The following ADAM29 variants were observed in gnomAD, a reference collection of about 807,000 sequenced individuals.
ADAM29 encodes the protein ADAM metallopeptidase domain 29, also known as disintegrin and metalloproteinase domain-containing protein 29.
For synonymous variants in ADAM29, 367 were observed against 342.3 expected (o/e 1.07, Z -0.80); for missense variants, 969 against 1,001.8 (o/e 0.97, Z 0.44).
intron 4 of ADAM29, among the ~76,000 whole-genome samples, chr4:174,960,579 A>G (rs574883209): frequency 6.6e-6 from 1 of 152,226 alleles, no homozygotes; most frequent in South Asian, 2.1e-4. Flanking sequence ...ACCTAAGAAT[A>G]TTTACATCTT....
chr4:174,927,109 C>T (rs1453241944), intron 2 of ADAM29, among the ~76,000 whole-genome samples: 1 of 152,074 alleles, frequency 6.6e-6, no homozygotes, highest in Admixed American at 6.6e-5. Context: ...ACTCAAAATA[C>T]CAAGTGCTAG....
At chr4:174,935,639 A>G (rs773497800) in intron 3 of ADAM29, among the ~76,000 whole-genome samples, 1 of 152,124 alleles carries the variant, frequency 6.6e-6, no homozygotes, top group Non-Finnish European at 1.5e-5. Context: ...AATCTGGTTG[A>G]CTTAATCTAT....
chr4:174,928,748 TCTG>T (rs1743673449), intron 2 of ADAM29, among the ~76,000 whole-genome samples: 1 of 152,036 alleles, frequency 6.6e-6, no homozygotes, highest in Non-Finnish European at 1.5e-5. Context: ...GATTCGGCCA[TCTG>T]TGTTTGCTAA....
intron 4 of ADAM29, among the ~76,000 whole-genome samples, chr4:174,973,162 A>G (rs958775119): frequency 6.6e-6 from 1 of 152,162 alleles, no homozygotes; most frequent in African/African-American, 2.4e-5. Flanking sequence ...CACCAGATGA[A>G]ACCACCATCT....
At chr4:174,920,451 G>C (rs1363281741) in intron 1 of ADAM29, among the ~76,000 whole-genome samples, 1 of 152,072 alleles carries the variant, frequency 6.6e-6, no homozygotes, top group East Asian at 1.9e-4. Context: ...GAAGCTCATG[G>C]CCCCCTAACC....
intron 4 of ADAM29, among the ~76,000 whole-genome samples, chr4:174,969,469 A>G (rs1746345416): frequency 6.6e-6 from 1 of 151,924 alleles, no homozygotes; most frequent in Non-Finnish European, 1.5e-5. Context: ...TTTGAAAAAA[A>G]TTTTTAGAGG....
At chr4:174,946,214 A>G (rs1345190413) in intron 4 of ADAM29, among the ~76,000 whole-genome samples, 2 of 152,148 alleles carry the variant, frequency 1.3e-5, no homozygotes. Context: ...TACCTCCCTC[A>G]TTAGCTGTAT....
intron 4 of ADAM29, among the ~76,000 whole-genome samples, chr4:174,953,784 G>A (rs1302858078): frequency 6.6e-6 from 1 of 152,056 alleles, no homozygotes; most frequent in Non-Finnish European, 1.5e-5. Flanking sequence ...CATCTCGGCT[G>A]ACTGCAACCT....
chr4:174,960,056 CTT>C (rs1324923304), intron 4 of ADAM29, among the ~76,000 whole-genome samples: 4 of 151,950 alleles, frequency 2.6e-5, no homozygotes, highest in African/African-American at 7.2e-5. Flanking sequence ...TAAAAATAAA[CTT>C]ATCATTTCAC....
At chr4:174,919,397 CAG>C (rs1412516965) in intron 1 of ADAM29, among the ~76,000 whole-genome samples, 1 of 152,120 alleles carries the variant, frequency 6.6e-6, no homozygotes, top group Admixed American at 6.6e-5. Context: ...TAAATTAGCA[CAG>C]AGTTAGGCGC....
At chr4:174,945,071 G>T (rs1687254169) in intron 4 of ADAM29, among the ~76,000 whole-genome samples, 3 of 151,860 alleles carry the variant, frequency 2.0e-5, no homozygotes, top group Admixed American at 1.3e-4. Context: ...TGGTAGTTTT[G>T]CAAAACTGCT....
chr4:174,936,048 A>T (rs560451759), intron 3 of ADAM29, among the ~76,000 whole-genome samples: 2 of 152,186 alleles, frequency 1.3e-5, no homozygotes, highest in South Asian at 2.1e-4. Context: ...CTGGGACAAC[A>T]GTTACAAATC....
intron 4 of ADAM29, 120 bp downstream of exon 4, chr4:174,937,133 T>C (rs1744249049): frequency 2.0e-5 from 3 of 152,070 alleles, no homozygotes; most frequent in Admixed American, 1.3e-4. Flanking sequence ...TGTTGCATTA[T>C]GTAGAGAACC....
intron 4 of ADAM29, among the ~76,000 whole-genome samples, chr4:174,962,946 G>A (rs1745927052): frequency 6.6e-6 from 1 of 152,088 alleles, no homozygotes; most frequent in Non-Finnish European, 1.5e-5. Flanking sequence ...ATGCAAAAAT[G>A]AAGCTGTTAC....
intron 4 of ADAM29, among the ~76,000 whole-genome samples, chr4:174,940,846 AT>A (rs1255663525): frequency 6.6e-6 from 1 of 152,210 alleles, no homozygotes; most frequent in Non-Finnish European, 1.5e-5. Flanking sequence ...TATGAAAATG[AT>A]TATGCATTCA....
intron 4 of ADAM29, among the ~76,000 whole-genome samples, chr4:174,970,872 T>C (rs1746437386): frequency 1.3e-5 from 2 of 152,120 alleles, no homozygotes; most frequent in South Asian, 4.1e-4. Flanking sequence ...TTTTTCTTTA[T>C]CTAGCTAACA....
chr4:174,977,600 G>A lies in ADAM29; in HGVS notation c.2075G>A (p.Cys692Tyr). 1 of 1,613,754 alleles carries A rather than the reference G, an allele frequency of 6.2e-7. No individual in the cohort carries two copies. The highest frequency in any genetic ancestry group is 8.5e-7 in the Non-Finnish European group (1 of 1,179,878). The change falls in exon 5 of 5, where the codon TGT becomes TAT. Residue 692 changes from cysteine to tyrosine, a missense_variant. Cys to Tyr is a radical substitution (Grantham distance 194). Transcript: ENST00000359240. ...LLLIVLFILL[C>Y]CLYRLCKKSK... Reference sequence around the variant, plus strand: ...CTTATTGTTTTGTTTATTTTATTATGTTGTCTTTATCGACTTTGTAAAAAA... The same window carrying A: ...CTTATTGTTTTGTTTATTTTATTATATTGTCTTTATCGACTTTGTAAAAAA...
chr4:174,923,549 A>G (rs1275273864), intron 2 of ADAM29, among the ~76,000 whole-genome samples: 2 of 144,134 alleles, frequency 1.4e-5, no homozygotes, highest in East Asian at 4.0e-4. Flanking sequence ...ATATATATAT[A>G]TATATATATA....
intron 3 of ADAM29, among the ~76,000 whole-genome samples, chr4:174,934,462 A>AT (rs1243348011): frequency 7.9e-5 from 12 of 151,798 alleles, no homozygotes; most frequent in Non-Finnish European, 7.4e-5. Context: ...TTTTATTTCT[A>AT]TTTTTTAATG....
Sources: gnomAD v4.1 joint callset for allele counts (sites outside exome capture counted in the v4.1 genomes callset) on GRCh38, gnomAD v4.1.1 for gene constraint, MANE v1.5 for transcripts, NCBI Gene and HGNC (gene_info 2026-07-23, HGNC 2026-07-21) for gene names.